The following RELN variants were observed in gnomAD, a reference collection of about 807,000 sequenced individuals.
RELN encodes reelin.
RELN carries 108 observed loss-of-function variants against 427.6 expected under a neutral mutation model. That is an observed-to-expected ratio of 0.25 (90% CI 0.22 to 0.30). The LOEUF (loss-of-function observed/expected upper bound fraction) is 0.30, where lower values mean the gene tolerates loss of function less well. Among genes scored for constraint, RELN ranks in the 10% least tolerant of loss-of-function variants. The pLI, the probability that RELN is intolerant of heterozygous loss-of-function variation, is 1.00. For missense variants in RELN, 3,715 were observed against 4,302.8 expected, an observed-to-expected ratio of 0.86 and a Z score of 3.82; for synonymous variants, 1,524 against 1,513.4, an observed-to-expected ratio of 1.01 and a Z score of -0.16.
intron 4 of RELN, among the ~76,000 whole-genome samples, chr7:103,769,506 C>G (rs1791511767): frequency 1.3e-5 from 2 of 152,212 alleles, no homozygotes; most frequent in Non-Finnish European, 2.9e-5. Flanking sequence ...AAATAAATTT[C>G]TGTTCCTTAT....
intron 28 of RELN, among the ~76,000 whole-genome samples, chr7:103,579,291 T>C (rs1482486266): frequency 2.0e-5 from 3 of 152,204 alleles, no homozygotes; most frequent in Non-Finnish European, 4.4e-5. Context: ...TTTAATCTTA[T>C]GTAATTTTAT....
At chr7:103,606,773 C>A (rs1831830096) in intron 22 of RELN, among the ~76,000 whole-genome samples, 1 of 152,110 alleles carries the variant, frequency 6.6e-6, no homozygotes, top group African/African-American at 2.4e-5. Context: ...TCCTTATATG[C>A]ATCTTATGAA....
intron 28 of RELN, among the ~76,000 whole-genome samples, chr7:103,577,925 C>A (rs536295435): frequency 7.2e-4 from 110 of 152,324 alleles, no homozygotes; most frequent in African/African-American, 2.6e-3. Context: ...AGGAAAACTT[C>A]TTTCCCCAGC....
chr7:103,910,474 A>C (rs906581693), intron 2 of RELN, among the ~76,000 whole-genome samples: 1 of 151,964 alleles, frequency 6.6e-6, no homozygotes, highest in African/African-American at 2.4e-5. Flanking sequence ...TGAGATCATG[A>C]CTTTCTTCAC....
At chr7:103,837,589 A>G (rs576727340) in intron 2 of RELN, among the ~76,000 whole-genome samples, 2 of 152,300 alleles carry the variant, frequency 1.3e-5, no homozygotes, top group African/African-American at 4.8e-5. Flanking sequence ...CCAAACATTG[A>G]GAGAAATCAC....
intron 3 of RELN, among the ~76,000 whole-genome samples, chr7:103,812,383 C>T (rs940108859): frequency 1.3e-5 from 2 of 152,184 alleles, no homozygotes; most frequent in Non-Finnish European, 2.9e-5. Context: ...CAGAATCCTG[C>T]TTTTTGCCAC....
intron 2 of RELN, among the ~76,000 whole-genome samples, chr7:103,885,524 T>C (rs980678619): frequency 6.6e-6 from 1 of 152,018 alleles, no homozygotes; most frequent in Non-Finnish European, 1.5e-5. Flanking sequence ...TACTCATAAG[T>C]TGGAGTGGAA....
intron 5 of RELN, among the ~76,000 whole-genome samples, chr7:103,752,428 G>C (rs1791026233): frequency 6.6e-6 from 1 of 152,082 alleles, no homozygotes; most frequent in South Asian, 2.1e-4. Flanking sequence ...TTTTTTTAAA[G>C]AAACAGGATC....
At chr7:103,790,242 G>A (rs1369338505) in intron 3 of RELN, among the ~76,000 whole-genome samples, 1 of 152,018 alleles carries the variant, frequency 6.6e-6, no homozygotes, top group Non-Finnish European at 1.5e-5. Flanking sequence ...TAGATGATGG[G>A]TTGACGAGTG....
At position 103,646,931 on chromosome 7, in the gene RELN, T is replaced by A. The variant is rs1440072635; in HGVS notation, c.2002+3343A>T. Among the ~76,000 whole-genome samples the A allele has an allele frequency of 2.6e-5, 4 of 151,840 alleles. No homozygotes were observed. In the East Asian group the frequency reaches 7.7e-4, roughly 29 times the overall value. On this transcript the variant is annotated intron_variant, in intron 16 of 64. Transcript: ENST00000428762. ...AAACAACATGATCAAGTGGGTTTCA[T>A]TCCAGGGATGCAAGGATGGCTCAAC...
At chr7:103,677,637 G>A (rs1478237921) in intron 11 of RELN, among the ~76,000 whole-genome samples, 1 of 150,218 alleles carries the variant, frequency 6.7e-6, no homozygotes, top group Non-Finnish European at 1.5e-5. Flanking sequence ...GTGGCGGTAC[G>A]TGCCTGTAAT....
chr7:103,688,380 A>T (rs535173130), intron 10 of RELN, among the ~76,000 whole-genome samples: 23 of 152,174 alleles, frequency 1.5e-4, no homozygotes, highest in African/African-American at 5.5e-4. Flanking sequence ...TGTCCTGTAT[A>T]TTGTCAGAAT....
chr7:103,557,022 G>A lies in RELN; in HGVS notation c.5752C>T (p.Gln1918Ter). The change falls in exon 38 of 65, where the codon CAA becomes TAA. Residue 1918 changes from glutamine to a stop codon, truncating the protein, a stop_gained. Transcript: ENST00000428762. LOFTEE classifies it high-confidence loss of function. ...AGTCTGAATCTTGTAGCATTGGTTT[G>A]GGCAGTGTATGGCAAGGGAACATTG... ...FINVPLPYTA[Q>*]TNATRFRLWQ... 1 of 1,613,786 alleles carries A rather than the reference G, an allele frequency of 6.2e-7. No individual in the cohort carries two copies. Among genetic ancestry groups the A allele is most frequent in the African/African-American group, 1.3e-5 (1 of 75,042 alleles).
At chr7:103,522,320 A>C in intron 47 of RELN, 121 bp from the exon 48 acceptor site, 1 of 987,390 alleles carries the variant, frequency 1.0e-6, no homozygotes, top group Non-Finnish European at 1.6e-6. Context: ...ACTGATTTTC[A>C]GAGAGCTTGC....
chr7:103,809,991 C>G (rs1446114519), intron 3 of RELN, among the ~76,000 whole-genome samples: 1 of 152,106 alleles, frequency 6.6e-6, no homozygotes, highest in Non-Finnish European at 1.5e-5. Context: ...GAACCTATTC[C>G]TAAATTATAC....
At chr7:103,866,822 G>C (rs1794210898) in intron 2 of RELN, among the ~76,000 whole-genome samples, 1 of 151,970 alleles carries the variant, frequency 6.6e-6, no homozygotes, top group Admixed American at 6.6e-5. Flanking sequence ...ACATCATCCA[G>C]TGGATCATCC....
intron 1 of RELN, among the ~76,000 whole-genome samples, chr7:103,932,503 A>G (rs768803093): frequency 1.1e-4 from 16 of 152,188 alleles, no homozygotes; most frequent in Non-Finnish European, 1.9e-4. Flanking sequence ...AAGTTTACCT[A>G]TATAACAAAT....
intron 53 of RELN, among the ~76,000 whole-genome samples, chr7:103,498,596 A>G (rs1029743423): frequency 6.6e-6 from 1 of 152,060 alleles, no homozygotes; most frequent in Non-Finnish European, 1.5e-5. Context: ...GGTTCAAGCA[A>G]TTCTCATGCC....
chr7:103,497,931 A>G lies in RELN; in HGVS notation c.8844-5T>C. On this transcript the variant is annotated splice_region_variant and splice_polypyrimidine_tract_variant and intron_variant, in intron 54 of 64. Coordinates refer to ENST00000428762, the MANE Select transcript of RELN (RefSeq NM_005045.4). ...CGCCCCCAGTATTGCAGGAACCTGA[A>G]TGCAAGCACATTTTATCCATCAGAA... 6.2e-7 allele frequency: 1 copy of G among 1,613,200 alleles called. No homozygotes were observed. Among genetic ancestry groups the G allele is most frequent in the Non-Finnish European group, 8.5e-7 (1 of 1,179,210 alleles).
Sources: allele counts gnomAD v4.1 joint callset (sites outside exome capture counted in the v4.1 genomes callset), GRCh38; gene constraint gnomAD v4.1.1; transcripts MANE v1.5; gene names NCBI Gene and HGNC (gene_info 2026-07-23, HGNC 2026-07-21).